ADRA1B: variants seen among roughly 807,000 people sequenced by gnomAD.
ADRA1B encodes adrenoceptor alpha 1B.
A neutral mutation model predicts 17.9 loss-of-function variants in ADRA1B; 17 were observed. The observed-to-expected ratio is 0.95, with a 90% CI of 0.65 to 1.42. ADRA1B has a LOEUF of 1.42. Among genes scored for constraint, ADRA1B ranks in the 40% most tolerant of loss-of-function variants. The pLI is 0.00. For missense variants in ADRA1B, 681 were observed against 722.1 expected (o/e 0.94, Z 0.65); for synonymous variants, 366 against 327.6 (o/e 1.12, Z -1.27).
intron 1 of ADRA1B, among the ~76,000 whole-genome samples, chr5:159,966,481 C>T (rs562416570): frequency 7.2e-4 from 110 of 152,246 alleles, no homozygotes; most frequent in African/African-American, 2.3e-3. Context: ...CCAGGGAGTC[C>T]CATTCCAATA....
At chr5:159,985,785 A>C in the ADRA1B span, among the ~76,000 whole-genome samples, 670 of 152,316 alleles carry the variant, frequency 4.4e-3, 5 homozygotes, top group African/African-American at 0.016. Flanking sequence ...TGCCTCTGGG[A>C]CCTGGTGACA....
At chr5:159,977,663 T>C (rs1281302003), downstream of ADRA1B, among the ~76,000 whole-genome samples, 1 of 152,182 alleles carries the variant, frequency 6.6e-6, no homozygotes, top group African/African-American at 2.4e-5. Context: ...CCTTGGGCAA[T>C]GAGTGGCTGA....
intron 1 of ADRA1B, among the ~76,000 whole-genome samples, chr5:159,955,906 C>T (rs1432527306): frequency 6.6e-6 from 1 of 151,930 alleles, no homozygotes; most frequent in Non-Finnish European, 1.5e-5. Context: ...TTGTCTCTCC[C>T]TCAATCTTTC....
intron 1 of ADRA1B, among the ~76,000 whole-genome samples, chr5:159,942,886 A>T (rs1231962412): frequency 6.6e-6 from 1 of 152,230 alleles, no homozygotes; most frequent in Non-Finnish European, 1.5e-5. Context: ...TTTTTAAAAG[A>T]AAAAGTATTC....
chr5:159,945,006 G>A (rs1382673389), intron 1 of ADRA1B, among the ~76,000 whole-genome samples: 2 of 152,184 alleles, frequency 1.3e-5, no homozygotes, highest in East Asian at 3.8e-4. Context: ...GTGTGCTAGA[G>A]AGGAGCAGGG....
At chr5:159,868,496 T>C (rs1753692998) in intron 1 of ADRA1B, 1 of 152,196 alleles carries the variant, frequency 6.6e-6, no homozygotes, top group South Asian at 2.1e-4. Flanking sequence ...GTTGAAAACT[T>C]GTATATTTTT....
chr5:159,971,730 A>C, intron 1 of ADRA1B, 149 bp from the exon 2 acceptor site: 29 of 654,052 alleles, frequency 4.4e-5, no homozygotes, highest in South Asian at 6.8e-5. Context: ...AAAGGGAAGT[A>C]TTCCGGGCAG....
At chr5:159,963,887 C>A (rs1357860449) in intron 1 of ADRA1B, among the ~76,000 whole-genome samples, 1 of 152,186 alleles carries the variant, frequency 6.6e-6, no homozygotes, top group African/African-American at 2.4e-5. Flanking sequence ...ACTTCTCAGT[C>A]CCTCTAAATC....
chr5:159,947,617 T>G, intron 1 of ADRA1B: 1 of 756,518 alleles, frequency 1.3e-6, no homozygotes. Context: ...TTCAATACAC[T>G]GGCTTTCAAA....
rs151280305 is a variant in ADRA1B, at chr5:159,945,308, C to T, written c.950-26571C>T. 3.9e-5 allele frequency among the ~76,000 whole-genome samples: 6 copies of T among 152,082 alleles called. No individual in the cohort carries two copies. In the East Asian group the frequency reaches 9.7e-4, roughly 25 times the overall value. On this transcript the variant is annotated intron_variant, in intron 1 of 1. Transcript: ENST00000306675. ...TGGAGGTTGCAGTGAGCCCAGATTG[C>T]GCCATTGCACTCCAGCCTGGGCAAC...
At chr5:159,918,212 A>C (rs1301378786) in intron 1 of ADRA1B, among the ~76,000 whole-genome samples, 1 of 152,234 alleles carries the variant, frequency 6.6e-6, no homozygotes, top group African/African-American at 2.4e-5. Context: ...CGGCTAAGGC[A>C]GCGTCACTAA....
At chr5:159,920,536 C>T (rs918596244) in intron 1 of ADRA1B, among the ~76,000 whole-genome samples, 4 of 152,092 alleles carry the variant, frequency 2.6e-5, no homozygotes, top group African/African-American at 9.7e-5. Flanking sequence ...TATCATGCGA[C>T]GATCTCCCAG....
chr5:159,977,029 A>G (rs1755982869), downstream of ADRA1B, among the ~76,000 whole-genome samples: 1 of 152,230 alleles, frequency 6.6e-6, no homozygotes, highest in Non-Finnish European at 1.5e-5. Context: ...CAGAGTAGAC[A>G]CTATTTTTAT....
At chr5:159,936,348 C>T in intron 1 of ADRA1B, among the ~76,000 whole-genome samples, 1 of 152,190 alleles carries the variant, frequency 6.6e-6, no homozygotes, top group East Asian at 1.9e-4. Flanking sequence ...AACACAATAA[C>T]ATAAATTATT....
chr5:159,889,328 C>A (rs1195712083), intron 1 of ADRA1B, among the ~76,000 whole-genome samples: 2 of 151,924 alleles, frequency 1.3e-5, no homozygotes, highest in Non-Finnish European at 2.9e-5. Context: ...TCCTCCCTCT[C>A]CCCATCACAA....
intron 1 of ADRA1B, among the ~76,000 whole-genome samples, chr5:159,896,268 C>A (rs897150307): frequency 1.6e-4 from 25 of 152,236 alleles, no homozygotes; most frequent in African/African-American, 6.0e-4. Context: ...AATAAATAAA[C>A]AAGCTAAAGG....
rs1561608201 is a variant in ADRA1B at position 159,957,948 on chromosome 5, AAAAAG to A, written c.950-13921_950-13917del. Reference sequence around the variant, plus strand: ...CCATCTCAAAAAAAAAAAAAAAAAAAAAAAGAAAAGAAAAAAGAAAAGAAAAGAAA... The same window carrying A: ...CCATCTCAAAAAAAAAAAAAAAAAAAAAAAGAAAAAAGAAAAGAAAAGAAA... On this transcript the variant is annotated intron_variant, in intron 1 of 1. Coordinates refer to ENST00000306675, the MANE Select transcript of ADRA1B (RefSeq NM_000679.4). Among the ~76,000 whole-genome samples, 312 of 128,392 alleles carry A rather than the reference AAAAAG, an allele frequency of 2.4e-3. 5 individuals carry two copies. The highest frequency in any genetic ancestry group is 3.0e-3 in the Non-Finnish European group (175 of 59,078). The allele number at this position is 128,392 out of a possible 152,430, so 84.2% of individuals were successfully genotyped here.
At chr5:159,869,503 C>A (rs1753708075) in intron 1 of ADRA1B, 1 of 152,198 alleles carries the variant, frequency 6.6e-6, no homozygotes, top group Admixed American at 6.5e-5. Context: ...ACTGGAAAAG[C>A]TAATGAATCC....
At chr5:159,987,648 T>C in the ADRA1B span, among the ~76,000 whole-genome samples, 3 of 152,190 alleles carry the variant, frequency 2.0e-5, no homozygotes, top group African/African-American at 4.8e-5. Context: ...TATTCCTTCA[T>C]AGATGCAGTC....
Sources: gnomAD v4.1 joint callset for allele counts (sites outside exome capture counted in the v4.1 genomes callset) on GRCh38, gnomAD v4.1.1 for gene constraint, MANE v1.5 for transcripts, NCBI Gene and HGNC (gene_info 2026-07-23, HGNC 2026-07-21) for gene names.